Variants in RASGRF1 observed in about 807,000 individuals in gnomAD.
RASGRF1 encodes the protein Ras protein specific guanine nucleotide releasing factor 1.
RASGRF1 carries 40 observed loss-of-function variants against 138.7 expected under a neutral mutation model. That is an observed-to-expected ratio of 0.29 (90% confidence interval 0.22 to 0.38). The LOEUF is 0.38. Ranked by LOEUF, RASGRF1 falls within the 10% of genes least tolerant of loss-of-function variation. The probability of loss-of-function intolerance (pLI) is 1.00; values close to 1 mark genes in which losing one functional copy is unlikely to be tolerated. For synonymous variants in RASGRF1, 614 were observed against 663.2 expected (o/e 0.93, Z 1.14); for missense variants, 1,108 against 1,650.4 (o/e 0.67, Z 5.69).
intron 1 of RASGRF1, 23 bp downstream of exon 1, chr15:79,090,200 T>G: frequency 6.3e-7 from 1 of 1,576,238 alleles, no homozygotes; most frequent in Non-Finnish European, 8.6e-7. Flanking sequence ...CGCAGGGAGG[T>G]CAGGACGCGA....
In RASGRF1 at chr15:79,090,729, A is replaced by G. The variant is rs1262921315; in HGVS notation, c.-231T>C. On this transcript the variant is annotated 5_prime_UTR_variant, in exon 1 of 27. Coordinates refer to ENST00000558480, the MANE Select transcript of RASGRF1 (RefSeq NM_001145648.3). ...CTTCTCCGCTCCGCAGAGCCCCAGT[A>G]CCCGGAAGATGCCGCCCGACCCTCC... 1.7e-6 allele frequency: 1 copy of G among 591,572 alleles called. No homozygotes were observed. The highest frequency in any genetic ancestry group is 1.9e-5 in the African/African-American group (1 of 52,846). 36.6% of individuals were successfully genotyped at this position (591,572 alleles called of 1,614,324 possible).
intron 1 of RASGRF1, among the ~76,000 whole-genome samples, chr15:79,071,173 T>C (rs1307885989): frequency 1.3e-5 from 2 of 152,206 alleles, no homozygotes; most frequent in African/African-American, 2.4e-5. Flanking sequence ...CAGGACCCAC[T>C]GCAAGGCCAT....
chr15:78,972,864 C>T (rs1266670266), intron 25 of RASGRF1, among the ~76,000 whole-genome samples: 1 of 152,138 alleles, frequency 6.6e-6, no homozygotes, highest in Non-Finnish European at 1.5e-5. Context: ...AGTGGTTTTA[C>T]TTTGTCCACA....
At chr15:79,076,105 G>A (rs552380247) in intron 1 of RASGRF1, among the ~76,000 whole-genome samples, 1 of 152,210 alleles carries the variant, frequency 6.6e-6, no homozygotes, top group Non-Finnish European at 1.5e-5. Flanking sequence ...GCTGCTGGGG[G>A]CTCCCAGATA....
At position 79,027,764 on chromosome 15, in the gene RASGRF1, G is replaced by C; in HGVS notation, c.1358C>G (p.Thr453Ser). ...IIEGCEILLD[T>S]SQTFVRQGSL... ...ACCTTGTCTCACAAAGGTCTGGCTG[G>C]TGTCCAGGAGGATCTCACAGCCTTC... The change falls in exon 9 of 27, where the codon ACC becomes AGC. Residue 453 changes from threonine (T) to serine (S), a missense_variant. Transcript: ENST00000558480. The surrounding 1 kb of genome is among the most constrained non-coding windows in gnomAD (Gnocchi z 4.8). The C allele has an allele frequency of 6.2e-7, 1 of 1,614,228 alleles. No individual in the cohort carries two copies. Among genetic ancestry groups the C allele is most frequent in the Non-Finnish European group, 8.5e-7 (1 of 1,180,032 alleles).
intron 24 of RASGRF1, chr15:78,978,388 C>A: frequency 2.1e-6 from 1 of 480,136 alleles, no homozygotes. Context: ...CCACGCCTGG[C>A]TAATTTTTGT....
In RASGRF1 at chr15:78,994,943, T is replaced by C. The variant is rs527768664; in HGVS notation, c.3027+797A>G. Among the ~76,000 whole-genome samples, 532 of 151,394 alleles carry C rather than the reference T, an allele frequency of 3.5e-3. 5 individuals carry two copies. Among genetic ancestry groups the C allele is most frequent in the African/African-American group, 0.013 (519 of 41,256 alleles). ...TCCAGCACCTTTTTTTTTTTTTTTTTTGAGATGGGGGTCTCACTCTGTCAC... is the reference window on the plus strand; with the variant it reads ...TCCAGCACCTTTTTTTTTTTTTTTTCTGAGATGGGGGTCTCACTCTGTCAC... On this transcript the variant is annotated intron_variant, in intron 20 of 26. Transcript: ENST00000558480.
chr15:78,983,723 C>T (rs1489856339), intron 23 of RASGRF1, among the ~76,000 whole-genome samples: 1 of 152,244 alleles, frequency 6.6e-6, no homozygotes, highest in Non-Finnish European at 1.5e-5. Flanking sequence ...CAACACTTGC[C>T]TCCACGAGTT....
At chr15:79,053,750 A>G (rs2057466197) in intron 3 of RASGRF1, among the ~76,000 whole-genome samples, 1 of 152,220 alleles carries the variant, frequency 6.6e-6, no homozygotes, top group African/African-American at 2.4e-5. Flanking sequence ...CAGAGGGAGA[A>G]GAGACGGGCT....
At chr15:79,052,095 C>T (rs928730291) in intron 3 of RASGRF1, among the ~76,000 whole-genome samples, 4 of 152,100 alleles carry the variant, frequency 2.6e-5, no homozygotes, top group African/African-American at 9.7e-5. Flanking sequence ...TCTGGCTGGC[C>T]GACTCCACAC....
At chr15:78,977,513 AAGATAG>A (rs1243270681) in intron 24 of RASGRF1, among the ~76,000 whole-genome samples, 1 of 152,128 alleles carries the variant, frequency 6.6e-6, no homozygotes, top group African/African-American at 2.4e-5. Context: ...GCAGAGAATA[AAGATAG>A]AGATAGATAC....
chr15:79,042,142 T>C (rs1173919187), intron 5 of RASGRF1, among the ~76,000 whole-genome samples: 1 of 152,164 alleles, frequency 6.6e-6, no homozygotes, highest in Non-Finnish European at 1.5e-5. Flanking sequence ...ATTTGAGAAG[T>C]ACACAATTAA....
chr15:78,972,147 G>A (rs2055773974), intron 25 of RASGRF1, among the ~76,000 whole-genome samples: 1 of 152,172 alleles, frequency 6.6e-6, no homozygotes, highest in Non-Finnish European at 1.5e-5. Context: ...CCAGGCTGGA[G>A]TGCAGTGGCG....
chr15:78,974,720 T>C (rs1270415672), intron 24 of RASGRF1, among the ~76,000 whole-genome samples: 1 of 152,250 alleles, frequency 6.6e-6, no homozygotes. Flanking sequence ...TCACATTTTC[T>C]CTTTTTAGAC....
At chr15:79,051,336 TAGTC>T (rs2057427489) in intron 3 of RASGRF1, among the ~76,000 whole-genome samples, 1 of 152,154 alleles carries the variant, frequency 6.6e-6, no homozygotes, top group Non-Finnish European at 1.5e-5. Context: ...AACTGAGAAA[TAGTC>T]AGTGTGGAGA....
At position 78,973,284 on chromosome 15, in the gene RASGRF1, C is replaced by G. The variant is rs1274203122; in HGVS notation, c.3612+19G>C. The G allele has an allele frequency of 2.6e-6, 4 of 1,566,854 alleles. No homozygotes were observed. The highest frequency in any genetic ancestry group is 2.6e-6 in the Non-Finnish European group (3 of 1,143,910). ...GGCTTCAACGCCCCCCTTCCCCTGC[C>G]TGGCTGGGGGGAACGCACCATCCTC... is the stretch of plus-strand genomic sequence containing the variant. On this transcript the variant is annotated intron_variant, in intron 25 of 26. Coordinates refer to ENST00000558480, the MANE Select transcript of RASGRF1 (RefSeq NM_001145648.3). The surrounding 1 kb of genome is among the most constrained non-coding windows in gnomAD (Gnocchi z 4.9).
chr15:79,039,829 G>A lies in RASGRF1; in HGVS notation c.879-4619C>T, dbSNP rs183660651. ...CTGTCCCCCAGACTGGAGTATGGTGGTGTGATCTCGGCTCACTGTAGCCTC... is the reference window on the plus strand; with the variant it reads ...CTGTCCCCCAGACTGGAGTATGGTGATGTGATCTCGGCTCACTGTAGCCTC... On this transcript the variant is annotated intron_variant, in intron 5 of 26. Coordinates refer to ENST00000558480, the MANE Select transcript of RASGRF1 (RefSeq NM_001145648.3). Among the ~76,000 whole-genome samples the A allele has an allele frequency of 1.6e-4, 24 of 152,256 alleles. No individual in the cohort carries two copies. In the South Asian group the frequency reaches 1.9e-3, roughly 12 times the overall value.
At chr15:79,001,637 G>C (rs149865774) in intron 16 of RASGRF1, 25 bp downstream of exon 16, 1 of 1,611,306 alleles carries the variant, frequency 6.2e-7, no homozygotes, top group South Asian at 1.1e-5. Flanking sequence ...AAATCTATTT[G>C]TGGTTTTGAA....
At chr15:79,084,571 G>A (rs1039001753) in intron 1 of RASGRF1, among the ~76,000 whole-genome samples, 5 of 152,340 alleles carry the variant, frequency 3.3e-5, no homozygotes, top group Admixed American at 6.5e-5. Flanking sequence ...TGCACATGCC[G>A]TTTTGTTCGG....
Sources: gnomAD v4.1 joint callset for allele counts (sites outside exome capture counted in the v4.1 genomes callset) on GRCh38, gnomAD v4.1.1 for gene constraint, Gnocchi (gnomAD v3.1) non-coding constraint, MANE v1.5 for transcripts, NCBI Gene and HGNC (gene_info 2026-07-23, HGNC 2026-07-21) for gene names.